LRRC4C: variants seen among roughly 807,000 people sequenced by gnomAD.
The protein encoded by LRRC4C is leucine-rich repeat-containing protein 4C.
LRRC4C carries 5 observed loss-of-function variants against 33.6 expected under a neutral mutation model. The ratio of observed to expected loss-of-function variants is 0.15; its 90% CI spans 0.08 to 0.31. The LOEUF (loss-of-function observed/expected upper bound fraction) is 0.31, where lower values mean the gene tolerates loss of function less well. Among genes scored for constraint, LRRC4C ranks in the 10% least tolerant of loss-of-function variants. LRRC4C has a pLI of 1.00. For missense variants in LRRC4C, 560 were observed against 796.7 expected, an observed-to-expected ratio of 0.70 and a Z score of 3.58; for synonymous variants, 329 against 302.0, an observed-to-expected ratio of 1.09 and a Z score of -0.93.
chr11:40,526,530 T>C (rs1956058144), intron 3 of LRRC4C, among the ~76,000 whole-genome samples: 1 of 152,160 alleles, frequency 6.6e-6, no homozygotes, highest in African/African-American at 2.4e-5. Flanking sequence ...CAATGTGTTA[T>C]TACTGCAGAG....
chr11:41,143,974 A>G (rs1271794447), intron 1 of LRRC4C, among the ~76,000 whole-genome samples: 1 of 152,214 alleles, frequency 6.6e-6, no homozygotes, highest in Non-Finnish European at 1.5e-5. Context: ...CAAAGAGTGT[A>G]CTTTCTGAAG....
chr11:40,277,793 T>C (rs755198290), intron 4 of LRRC4C, among the ~76,000 whole-genome samples: 5 of 152,140 alleles, frequency 3.3e-5, no homozygotes. Context: ...AGGTAAAACC[T>C]TTAGAGGGTG....
chr11:41,130,597 A>G (rs955865343), intron 1 of LRRC4C, among the ~76,000 whole-genome samples: 3 of 152,070 alleles, frequency 2.0e-5, no homozygotes, highest in Non-Finnish European at 4.4e-5. Flanking sequence ...TGATTGATCA[A>G]TTAAAATTAG....
In LRRC4C at chr11:41,042,030, A is replaced by G. The variant is rs559547102; in HGVS notation, c.-495-108307T>C. ...TAAATTCACTAGCACAGATCTCTAA[A>G]TTAAAGAAAAGATGCAGAAAGAGCT... On this transcript the variant is annotated intron_variant, in intron 1 of 6. Coordinates refer to ENST00000528697, the MANE Select transcript of LRRC4C (RefSeq NM_001258419.2). Among the ~76,000 whole-genome samples the G allele has an allele frequency of 1.8e-4, 27 of 152,332 alleles. No individual in the cohort carries two copies. The South Asian group carries it at 5.6e-3, about 32-fold the overall frequency.
intron 2 of LRRC4C, among the ~76,000 whole-genome samples, chr11:40,832,219 T>C (rs1346747281): frequency 6.6e-6 from 1 of 152,056 alleles, no homozygotes; most frequent in Non-Finnish European, 1.5e-5. Flanking sequence ...TCTAAACATA[T>C]CTAAACAAAA....
At chr11:40,696,961 A>G (rs187856176) in intron 2 of LRRC4C, among the ~76,000 whole-genome samples, 1 of 152,028 alleles carries the variant, frequency 6.6e-6, no homozygotes, top group African/African-American at 2.4e-5. Flanking sequence ...AGACACGATG[A>G]TTCATTAACT....
intron 1 of LRRC4C, among the ~76,000 whole-genome samples, chr11:40,989,936 A>G (rs943412658): frequency 1.3e-5 from 2 of 151,940 alleles, no homozygotes; most frequent in African/African-American, 4.8e-5. Context: ...CATAGTATTT[A>G]TATTGTGTTA....
intron 1 of LRRC4C, among the ~76,000 whole-genome samples, chr11:41,250,764 A>G (rs1351707735): frequency 6.6e-6 from 1 of 152,164 alleles, no homozygotes; most frequent in Non-Finnish European, 1.5e-5. Flanking sequence ...ATTGAACTTG[A>G]CGTGGTTCAA....
intron 6 of LRRC4C, among the ~76,000 whole-genome samples, chr11:40,129,746 G>A (rs1856516732): frequency 1.3e-5 from 2 of 152,064 alleles, no homozygotes; most frequent in South Asian, 4.1e-4. Context: ...TCCATGGGTG[G>A]AAAAGATCTT....
chr11:41,378,915 G>T (rs1354440568), intron 1 of LRRC4C, among the ~76,000 whole-genome samples: 3 of 151,322 alleles, frequency 2.0e-5, no homozygotes, highest in Non-Finnish European at 2.9e-5. Flanking sequence ...AAGTCAGCGG[G>T]AAGAGTTTTT....
At chr11:40,995,228 C>T (rs1430221444) in intron 1 of LRRC4C, among the ~76,000 whole-genome samples, 2 of 152,146 alleles carry the variant, frequency 1.3e-5, no homozygotes, top group East Asian at 3.9e-4. Flanking sequence ...AAAAAATAAA[C>T]CATGATGCAT....
At chr11:40,539,486 T>G (rs7930012) in intron 3 of LRRC4C, among the ~76,000 whole-genome samples, 13,437 of 152,124 alleles carry the variant, frequency 0.088, 1,689 homozygotes, top group African/African-American at 0.28. Flanking sequence ...AGTTTGAAGC[T>G]CTATCATTTT....
At chr11:41,296,528 C>T (rs1353373494) in intron 1 of LRRC4C, among the ~76,000 whole-genome samples, 3 of 151,902 alleles carry the variant, frequency 2.0e-5, no homozygotes, top group Non-Finnish European at 2.9e-5. Context: ...TTGACCGGAC[C>T]GGTCTTGAAT....
At chr11:40,120,812 T>C (rs1413446579) in intron 6 of LRRC4C, among the ~76,000 whole-genome samples, 1 of 152,170 alleles carries the variant, frequency 6.6e-6, no homozygotes, top group Non-Finnish European at 1.5e-5. Flanking sequence ...CCATGCTCAG[T>C]GGTCAAGAGA....
intron 6 of LRRC4C, among the ~76,000 whole-genome samples, chr11:40,124,842 G>A (rs2134709494): frequency 6.6e-6 from 1 of 152,162 alleles, no homozygotes. Context: ...AAATGCTTGA[G>A]GTCATGGGTG....
chr11:40,592,034 C>G (rs867064927), intron 3 of LRRC4C, among the ~76,000 whole-genome samples: 1 of 152,200 alleles, frequency 6.6e-6, no homozygotes, highest in Admixed American at 6.5e-5. Context: ...TCACTATTCA[C>G]TCAAATAGAT....
chr11:40,216,584 A>G (rs2135879288), intron 5 of LRRC4C, among the ~76,000 whole-genome samples: 1 of 152,278 alleles, frequency 6.6e-6, no homozygotes, highest in South Asian at 2.1e-4. Flanking sequence ...AGAAGCGGAA[A>G]ATGGGAGACA....
At chr11:40,790,355 T>C (rs1211935796) in intron 2 of LRRC4C, among the ~76,000 whole-genome samples, 3 of 152,222 alleles carry the variant, frequency 2.0e-5, no homozygotes, top group Non-Finnish European at 1.5e-5. Context: ...ATTTATATGA[T>C]AACTACATAA....
chr11:41,254,954 T>C (rs1202407259), intron 1 of LRRC4C, among the ~76,000 whole-genome samples: 1 of 152,042 alleles, frequency 6.6e-6, no homozygotes, highest in African/African-American at 2.4e-5. Flanking sequence ...TTGTATGACA[T>C]CTGAGTCTGA....
Sources: allele counts gnomAD v4.1 joint callset (sites outside exome capture counted in the v4.1 genomes callset), GRCh38; gene constraint gnomAD v4.1.1; transcripts MANE v1.5; gene names NCBI Gene and HGNC (gene_info 2026-07-23, HGNC 2026-07-21).